Variants in C10orf90 observed in about 807,000 individuals in gnomAD.
C10orf90 encodes chromosome 10 open reading frame 90, also known as (E2-independent) E3 ubiquitin-conjugating enzyme FATS.
A neutral mutation model predicts 62.5 loss-of-function variants in C10orf90; 56 were observed. The ratio of observed to expected loss-of-function variants is 0.90; its 90% CI spans 0.72 to 1.12. The LOEUF (loss-of-function observed/expected upper bound fraction) is 1.12, where lower values mean the gene tolerates loss of function less well. Among genes scored for constraint, C10orf90 ranks in the 50% most tolerant of loss-of-function variants. The pLI is 0.00. For missense variants in C10orf90, 970 were observed against 880.4 expected, an observed-to-expected ratio of 1.10 and a Z score of -1.29; for synonymous variants, 386 against 340.4, an observed-to-expected ratio of 1.13 and a Z score of -1.47.
chr10:126,576,734 GT>G (rs1844630486), intron 2 of C10orf90, among the ~76,000 whole-genome samples: 1 of 54,380 alleles, frequency 1.8e-5, no homozygotes, highest in Non-Finnish European at 3.9e-5. Context: ...ACATATATAT[GT>G]ATATGTATAT....
chr10:126,438,643 T>A (rs145745295), intron 7 of C10orf90, among the ~76,000 whole-genome samples: 2 of 152,124 alleles, frequency 1.3e-5, no homozygotes, highest in Non-Finnish European at 2.9e-5. Flanking sequence ...AAAAATGAGA[T>A]CAACTATAGG....
intron 7 of C10orf90, among the ~76,000 whole-genome samples, chr10:126,436,475 A>G (rs1252279643): frequency 1.3e-5 from 2 of 152,156 alleles, no homozygotes; most frequent in African/African-American, 4.8e-5. Context: ...TCATACTTTT[A>G]TGATGTATAT....
chr10:126,615,202 T>C (rs1332097974), intron 2 of C10orf90, among the ~76,000 whole-genome samples: 1 of 152,194 alleles, frequency 6.6e-6, no homozygotes, highest in Non-Finnish European at 1.5e-5. Context: ...TGCATCCTAT[T>C]TGTTAAGATC....
At chr10:126,664,301 CT>C (rs1293897016) in intron 1 of C10orf90, among the ~76,000 whole-genome samples, 1 of 152,180 alleles carries the variant, frequency 6.6e-6, no homozygotes, top group Non-Finnish European at 1.5e-5. Context: ...CCATAAATCA[CT>C]GGTTACAATT....
chr10:126,567,233 G>A (rs1263317599), intron 2 of C10orf90, among the ~76,000 whole-genome samples: 6 of 152,322 alleles, frequency 3.9e-5, no homozygotes, highest in Admixed American at 3.9e-4. Context: ...GCATGGCTGG[G>A]AAAGCCTCAG....
At chr10:126,626,976 G>T (rs1326939553) in intron 2 of C10orf90, among the ~76,000 whole-genome samples, 5 of 148,730 alleles carry the variant, frequency 3.4e-5, no homozygotes, top group South Asian at 2.2e-4. Flanking sequence ...CTGTGATTTA[G>T]ATTTTTCTTT....
At chr10:126,620,408 T>C (rs367914213) in intron 2 of C10orf90, among the ~76,000 whole-genome samples, 8 of 152,334 alleles carry the variant, frequency 5.3e-5, no homozygotes, top group African/African-American at 1.9e-4. Context: ...CTTATACTAA[T>C]TCCACACTGT....
rs1004521486 is a variant in C10orf90, at chr10:126,670,277, G to C, written c.204C>G (p.Gly68=). 4.4e-6 allele frequency: 2 copies of C among 456,544 alleles called. No individual in the cohort carries two copies. The highest frequency in any genetic ancestry group is 8.8e-6 in the Non-Finnish European group (2 of 226,982). 28.3% of individuals were successfully genotyped at this position (456,544 alleles called of 1,614,324 possible). ...AKVCIIHMCQ[G]LKTAEQTASR... is the part of the protein sequence containing the mutation. ...TGGCTGTCTGCTCAGCCGTCTTCAAGCCTTGACACATATGGATGATACAAA... is the reference window on the plus strand; with the variant it reads ...TGGCTGTCTGCTCAGCCGTCTTCAACCCTTGACACATATGGATGATACAAA... The change falls in exon 1 of 10, where the codon GGC becomes GGG. Residue 68 remains glycine (G), a synonymous_variant. Transcript: ENST00000488181.
chr10:126,482,617 C>T (rs2133807793), intron 4 of C10orf90, among the ~76,000 whole-genome samples: 1 of 152,272 alleles, frequency 6.6e-6, no homozygotes, highest in Non-Finnish European at 1.5e-5. Flanking sequence ...CATTTACTCC[C>T]TAACTAGCTA....
intron 2 of C10orf90, among the ~76,000 whole-genome samples, chr10:126,608,038 G>A (rs996873816): frequency 1.1e-4 from 16 of 152,176 alleles, no homozygotes; most frequent in African/African-American, 3.9e-4. Flanking sequence ...TTTCCAAGAC[G>A]AAACGAGTTC....
intron 2 of C10orf90, among the ~76,000 whole-genome samples, chr10:126,602,937 A>G (rs1245496910): frequency 2.0e-5 from 3 of 151,968 alleles, no homozygotes; most frequent in Non-Finnish European, 4.4e-5. Context: ...CAGATTGGCA[A>G]CTCGGAGAGA....
chr10:126,490,043 T>TATATAATATATAA (rs1564828201), intron 4 of C10orf90, among the ~76,000 whole-genome samples: 7 of 76,880 alleles, frequency 9.1e-5, no homozygotes, highest in African/African-American at 3.1e-4. Flanking sequence ...ATAATATATA[T>TATATAATATATAA]TATATATTAT....
intron 7 of C10orf90, among the ~76,000 whole-genome samples, chr10:126,440,565 C>T (rs1858240908): frequency 6.6e-6 from 1 of 152,130 alleles, no homozygotes; most frequent in Non-Finnish European, 1.5e-5. Context: ...AGTGCCACCT[C>T]CCAGCAGGAG....
chr10:126,573,217 G>A (rs912188769), intron 2 of C10orf90, among the ~76,000 whole-genome samples: 2 of 152,140 alleles, frequency 1.3e-5, no homozygotes, highest in African/African-American at 2.4e-5. Flanking sequence ...CAGGCGGTAC[G>A]TGACTGGAGG....
In C10orf90 at chr10:126,426,104, G is replaced by A. The variant is rs1857247507; in HGVS notation, c.2253-14C>T. 8.1e-6 allele frequency: 13 copies of A among 1,603,340 alleles called. No homozygotes were observed. The highest frequency in any genetic ancestry group is 1.7e-5 in the Admixed American group (1 of 59,964). On this transcript the variant is annotated splice_polypyrimidine_tract_variant and intron_variant, in intron 8 of 9. Coordinates refer to ENST00000488181, the MANE Select transcript of C10orf90 (RefSeq NM_001350921.2). ...TTATCATAGATTCTGAAACAGATTCGGAAAACATTTGGAATGGTAGCTTGA... is the reference window on the plus strand; with the variant it reads ...TTATCATAGATTCTGAAACAGATTCAGAAAACATTTGGAATGGTAGCTTGA...
intron 2 of C10orf90, among the ~76,000 whole-genome samples, chr10:126,626,963 G>A (rs1478884434): frequency 5.9e-5 from 9 of 151,794 alleles, no homozygotes; most frequent in Non-Finnish European, 5.9e-5. Flanking sequence ...GAACAGACAG[G>A]AGCTGTGATT....
At chr10:126,502,618 C>T (rs1862468016) in intron 4 of C10orf90, 1 of 279,804 alleles carries the variant, frequency 3.6e-6, no homozygotes, top group African/African-American at 2.3e-5. Context: ...GTGAAAAGTA[C>T]TATAAATCCA....
intron 2 of C10orf90, among the ~76,000 whole-genome samples, chr10:126,624,887 C>A (rs1000088717): frequency 1.3e-5 from 2 of 152,134 alleles, no homozygotes; most frequent in Admixed American, 1.3e-4. Flanking sequence ...ACGTGGCAAG[C>A]TAGTAGAAAA....
intron 4 of C10orf90, among the ~76,000 whole-genome samples, chr10:126,477,246 T>G (rs1860936978): frequency 6.6e-6 from 1 of 150,612 alleles, no homozygotes; most frequent in East Asian, 1.9e-4. Flanking sequence ...CTGTGGGATG[T>G]GCACAATTTT....
Sources: gnomAD v4.1 joint callset for allele counts (sites outside exome capture counted in the v4.1 genomes callset) on GRCh38, gnomAD v4.1.1 for gene constraint, MANE v1.5 for transcripts, NCBI Gene and HGNC (gene_info 2026-07-23, HGNC 2026-07-21) for gene names.